RETREG1: variants seen among roughly 807,000 people sequenced by gnomAD.
RETREG1 encodes the protein reticulophagy regulator 1, also known as family with sequence similarity 134 member B.
Under a neutral mutation model 54.8 loss-of-function variants are expected in RETREG1, and 44 were observed. The ratio of observed to expected loss-of-function variants is 0.80; its 90% CI spans 0.63 to 1.03. RETREG1 has a LOEUF of 1.03. Ranked by LOEUF, RETREG1 falls within the 50% of genes least tolerant of loss-of-function variation. The pLI is 0.00. For missense variants in RETREG1, 554 were observed against 605.1 expected (o/e 0.92, Z 0.89); for synonymous variants, 217 against 238.5 (o/e 0.91, Z 0.83).
chr5:16,499,585 G>A (rs1454477444), intron 3 of RETREG1, among the ~76,000 whole-genome samples: 2 of 152,196 alleles, frequency 1.3e-5, no homozygotes, highest in Non-Finnish European at 2.9e-5. Flanking sequence ...ACCAGGCGAT[G>A]TCACTTCGAG....
chr5:16,578,478 C>T lies in RETREG1; in HGVS notation c.321-6376G>A, dbSNP rs573829182. On this transcript the variant is annotated intron_variant, in intron 1 of 8. Coordinates refer to ENST00000306320, the MANE Select transcript of RETREG1 (RefSeq NM_001034850.3). Reference sequence around the variant, plus strand: ...AACCGATCTTTACATGGAAACTGGCCTGTAAGGACATCAAAAAACAATCCC... The same window carrying T: ...AACCGATCTTTACATGGAAACTGGCTTGTAAGGACATCAAAAAACAATCCC... Among the ~76,000 whole-genome samples the T allele has an allele frequency of 4.3e-3, 660 of 152,218 alleles. 4 individuals are homozygous for T. Among genetic ancestry groups the T allele is most frequent in the African/African-American group, 0.015 (638 of 41,524 alleles).
intron 3 of RETREG1, among the ~76,000 whole-genome samples, chr5:16,526,853 GC>G (rs1740730720): frequency 6.6e-6 from 1 of 152,240 alleles, no homozygotes. Flanking sequence ...TCCTCCAGCT[GC>G]AGGAGTGCTG....
At chr5:16,606,066 G>A (rs560090590) in intron 1 of RETREG1, among the ~76,000 whole-genome samples, 1 of 152,306 alleles carries the variant, frequency 6.6e-6, no homozygotes, top group African/African-American at 2.4e-5. Flanking sequence ...GAAATAGAGT[G>A]GATAGCCATG....
intron 3 of RETREG1, among the ~76,000 whole-genome samples, chr5:16,528,607 A>G (rs334491): frequency 0.86 from 130,428 of 152,136 alleles, 55,995 homozygotes; most frequent in Middle Eastern, 0.88. Flanking sequence ...TCTGGAGACA[A>G]AGCCAAGAGG....
chr5:16,578,479 T>C (rs1240470856), intron 1 of RETREG1, among the ~76,000 whole-genome samples: 5 of 152,186 alleles, frequency 3.3e-5, no homozygotes, highest in African/African-American at 7.2e-5. Context: ...GAAACTGGCC[T>C]GTAAGGACAT....
chr5:16,569,515 C>T (rs1742114310), intron 2 of RETREG1, among the ~76,000 whole-genome samples: 1 of 152,070 alleles, frequency 6.6e-6, no homozygotes, highest in Admixed American at 6.5e-5. Flanking sequence ...ACACACAAAC[C>T]CCATGTGGCC....
At chr5:16,520,294 A>G (rs892157596) in intron 3 of RETREG1, among the ~76,000 whole-genome samples, 15 of 149,040 alleles carry the variant, frequency 1.0e-4, no homozygotes, top group Admixed American at 8.8e-4. Context: ...CTTTCTAATC[A>G]ATAGTTTTTT....
chr5:16,528,018 C>G (rs1579650310), intron 3 of RETREG1, among the ~76,000 whole-genome samples: 1 of 151,936 alleles, frequency 6.6e-6, no homozygotes, highest in Admixed American at 6.6e-5. Flanking sequence ...ACCGTCTTAG[C>G]CAGGATGGCC....
chr5:16,609,867 C>T (rs1483492928), intron 1 of RETREG1, among the ~76,000 whole-genome samples: 1 of 152,146 alleles, frequency 6.6e-6, no homozygotes, highest in Non-Finnish European at 1.5e-5. Context: ...GGAAATGCTG[C>T]CTTATGGAGA....
intron 1 of RETREG1, among the ~76,000 whole-genome samples, chr5:16,579,031 G>A (rs1742414181): frequency 6.6e-6 from 1 of 152,128 alleles, no homozygotes; most frequent in South Asian, 2.1e-4. Flanking sequence ...TTCCAGGCTG[G>A]GGAACAGGGT....
chr5:16,582,662 GAAA>G (rs10561101), intron 1 of RETREG1, among the ~76,000 whole-genome samples: 6 of 145,368 alleles, frequency 4.1e-5, no homozygotes, highest in Admixed American at 1.4e-4. Context: ...AATAAAATAA[GAAA>G]AAAAAAAAAA....
intron 1 of RETREG1, among the ~76,000 whole-genome samples, chr5:16,572,980 T>A (rs966671993): frequency 4.6e-5 from 7 of 151,852 alleles, no homozygotes; most frequent in Non-Finnish European, 8.8e-5. Context: ...GTCAAGAGAT[T>A]GAGACCATCC....
At chr5:16,551,139 T>C (rs1741525023) in intron 3 of RETREG1, among the ~76,000 whole-genome samples, 1 of 152,178 alleles carries the variant, frequency 6.6e-6, no homozygotes, top group African/African-American at 2.4e-5. Context: ...CTTTTCCCGG[T>C]CACTGTTTCA....
intron 3 of RETREG1, among the ~76,000 whole-genome samples, chr5:16,555,927 C>T (rs115473307): frequency 0.011 from 1,633 of 152,208 alleles, 32 homozygotes; most frequent in African/African-American, 0.037. Context: ...AATTTATTGA[C>T]GCAAGCATGC....
intron 3 of RETREG1, among the ~76,000 whole-genome samples, chr5:16,542,037 G>A (rs990174204): frequency 6.6e-6 from 1 of 152,216 alleles, no homozygotes; most frequent in Admixed American, 6.5e-5. Flanking sequence ...CCTTATTTTG[G>A]TAGATGTGAT....
intron 1 of RETREG1, among the ~76,000 whole-genome samples, chr5:16,603,713 G>A (rs537813243): frequency 9.4e-5 from 14 of 148,664 alleles, no homozygotes; most frequent in African/African-American, 3.0e-4. Flanking sequence ...ACAACATGTC[G>A]GTACCCCAAA....
intron 3 of RETREG1, among the ~76,000 whole-genome samples, chr5:16,525,774 A>AGG: frequency 6.7e-6 from 1 of 149,598 alleles, no homozygotes; most frequent in East Asian, 2.0e-4. Context: ...ACAGAGAGGG[A>AGG]GAGAGAGATT....
rs1386477498 is a variant in RETREG1, at chr5:16,475,119, C to G, written c.1116G>C (p.Glu372Asp). The change falls in exon 9 of 9, where the codon GAG becomes GAC. Residue 372 changes from glutamate to aspartate, a missense_variant. By Grantham distance (45) the Glu-to-Asp change is conservative. Coordinates refer to ENST00000306320, the MANE Select transcript of RETREG1 (RefSeq NM_001034850.3). ...CCAACTGTTCCTTCTTTCTCTTGAG[C>G]TCAGTGGGCAAACCAAGGCTTAATT... ...EDELSLGLPT[E>D]LKRKKEQLDS... 1 of 1,613,986 alleles carries G rather than the reference C, an allele frequency of 6.2e-7. No homozygotes were observed. The highest frequency in any genetic ancestry group is 1.7e-5 in the Admixed American group (1 of 59,958).
intron 3 of RETREG1, among the ~76,000 whole-genome samples, 175 bp from the exon 4 acceptor site, chr5:16,483,647 G>T (rs1738901699): frequency 6.6e-6 from 1 of 152,088 alleles, no homozygotes; most frequent in African/African-American, 2.4e-5. Flanking sequence ...CATGTCAAAA[G>T]AAACAATTAG....
Sources: gnomAD v4.1 joint callset for allele counts (sites outside exome capture counted in the v4.1 genomes callset) on GRCh38, gnomAD v4.1.1 for gene constraint, MANE v1.5 for transcripts, NCBI Gene and HGNC (gene_info 2026-07-23, HGNC 2026-07-21) for gene names.